Variants in PAX7 observed in about 807,000 individuals in gnomAD.
PAX7 encodes paired box 7, also known as paired box protein Pax-7.
Under a neutral mutation model 50.7 loss-of-function variants are expected in PAX7, and 18 were observed. The ratio of observed to expected loss-of-function variants is 0.36; its 90% CI spans 0.25 to 0.53. The LOEUF is 0.53. Among genes scored for constraint, PAX7 ranks in the 20% least tolerant of loss-of-function variants. The probability of loss-of-function intolerance (pLI) is 0.93; values close to 1 mark genes in which losing one functional copy is unlikely to be tolerated. For missense variants in PAX7, 644 were observed against 702.9 expected (o/e 0.92, Z 0.95); for synonymous variants, 310 against 290.4 (o/e 1.07, Z -0.69).
At chr1:18,637,432 A>G (rs2088180236) in intron 4 of PAX7, among the ~76,000 whole-genome samples, 1 of 152,190 alleles carries the variant, frequency 6.6e-6, no homozygotes, top group Non-Finnish European at 1.5e-5. Flanking sequence ...CGGCAGGCTG[A>G]GGGAATCGGA....
chr1:18,673,256 A>G (rs2088778201), intron 4 of PAX7, among the ~76,000 whole-genome samples: 1 of 152,210 alleles, frequency 6.6e-6, no homozygotes, highest in Non-Finnish European at 1.5e-5. Context: ...ACAATTACGC[A>G]TGCAAAGCTT....
Position 18,726,698 on chromosome 1 carries a change from C to T in PAX7, c.1156-8934C>T, listed in dbSNP as rs775181666. On this transcript the variant is annotated intron_variant, in intron 7 of 8. Transcript: ENST00000420770. The surrounding 1 kb of genome is among the most constrained non-coding windows in gnomAD (Gnocchi z 4.8). Reference sequence around the variant, plus strand: ...TTGGCTGCACCTCCCAGGGTCTCTCCCTCACACACCAGAAGGTTCTTACCA... The same window carrying T: ...TTGGCTGCACCTCCCAGGGTCTCTCTCTCACACACCAGAAGGTTCTTACCA... 1.1e-4 allele frequency among the ~76,000 whole-genome samples: 16 copies of T among 152,224 alleles called. No individual in the cohort carries two copies. Among genetic ancestry groups the T allele is most frequent in the Non-Finnish European group, 1.8e-4 (12 of 68,042 alleles).
chr1:18,670,336 C>T, intron 4 of PAX7, among the ~76,000 whole-genome samples: 1 of 152,066 alleles, frequency 6.6e-6, no homozygotes, highest in Admixed American at 6.6e-5. Flanking sequence ...TGTTTCCAAC[C>T]CCCATCATGA....
At chr1:18,656,549 ATTTGGATTTGGAAAGATTCAAG>A (rs1156869128) in intron 4 of PAX7, among the ~76,000 whole-genome samples, 2 of 152,062 alleles carry the variant, frequency 1.3e-5, no homozygotes, top group African/African-American at 4.8e-5. Flanking sequence ...GCACTTTGAA[ATTTGGATTTGGAAAGATTCAAG>A]TTTGGATTTG....
intron 4 of PAX7, among the ~76,000 whole-genome samples, chr1:18,661,652 C>G (rs2088601183): frequency 6.6e-6 from 1 of 152,360 alleles, no homozygotes; most frequent in South Asian, 2.1e-4. Context: ...ACGTGTGGTG[C>G]CTGGCACACA....
chr1:18,719,406 C>T (rs1437522664), intron 7 of PAX7, among the ~76,000 whole-genome samples: 2 of 152,210 alleles, frequency 1.3e-5, no homozygotes, highest in Non-Finnish European at 2.9e-5. Flanking sequence ...AGGGCTGGGG[C>T]TTTGGGGAAT....
chr1:18,747,411 C>G lies in PAX7; in HGVS notation c.*2482C>G, dbSNP rs1015735003. 2.5e-4 allele frequency: 57 copies of G among 227,222 alleles called. No individual in the cohort carries two copies. The highest frequency in any genetic ancestry group is 1.2e-3 in the African/African-American group (53 of 45,084). 14.1% of individuals were successfully genotyped at this position (227,222 alleles called of 1,614,324 possible). A position where few individuals can be genotyped will look rare whatever the true frequency, so the allele number is the denominator to read the frequency against. The stretch of plus-strand genomic sequence containing the variant: ...GACTTATTCCTTGACAGGCCCCACC[C>G]CCTTCAGAAAGAGGCCCTTGACCCT... On this transcript the variant is annotated 3_prime_UTR_variant, in exon 9 of 9. Coordinates refer to ENST00000420770, the MANE Select transcript of PAX7 (RefSeq NM_001135254.2).
At position 18,744,936 on chromosome 1, in the gene PAX7, TG is replaced by T. The variant is rs1931369916; in HGVS notation, c.*11del. 1 of 1,486,726 alleles carries T rather than the reference TG, an allele frequency of 6.7e-7. No individual in the cohort carries two copies. The highest frequency in any genetic ancestry group is 1.4e-5 in the African/African-American group (1 of 71,908). The allele number at this position is 1,486,726 out of a possible 1,614,324, so 92.1% of individuals were successfully genotyped here. A position where few individuals can be genotyped will look rare whatever the true frequency, so the allele number is the denominator to read the frequency against. The stretch of plus-strand genomic sequence containing the variant: ...AACTGGCCAGGCCTACTAGGGCCCC[TG>T]GGGCGACTTGCCCCAGCCCAATTCC... On this transcript the variant is annotated 3_prime_UTR_variant, in exon 9 of 9. Transcript: ENST00000420770.
chr1:18,692,064 G>A (rs9439678), intron 5 of PAX7, 111 bp downstream of exon 5: 44,751 of 934,434 alleles, frequency 0.048, 1,365 homozygotes, highest in African/African-American at 0.12. Flanking sequence ...TTTACAACAG[G>A]TTCAGGGGGT....
In PAX7 at chr1:18,634,397, G is replaced by A. The variant is rs540052891; in HGVS notation, c.180G>A (p.Val60=). The A allele has an allele frequency of 1.2e-6, 2 of 1,614,194 alleles. No individual in the cohort carries two copies. Among genetic ancestry groups the A allele is most frequent in the South Asian group, 1.1e-5 (1 of 91,084 alleles). ...PLPNHIRHKI[V]EMAHHGIRPC... ...CTAACCACATCCGCCACAAGATAGT[G>A]GAGATGGCCCACCATGGCATCCGGC... Residue 60 remains valine (V), a synonymous_variant, in exon 2 of 9, where the codon GTG becomes GTA. Transcript: ENST00000420770. The surrounding 1 kb of genome is among the most constrained non-coding windows in gnomAD (Gnocchi z 4.0).
chr1:18,746,410 T>C lies in PAX7; in HGVS notation c.*1481T>C, dbSNP rs897520390. ...TCCATGCTTTTAAGAGCTGGGACCT[T>C]GGGAGGATGATTCAAACCCTCAATT... On this transcript the variant is annotated 3_prime_UTR_variant, in exon 9 of 9. Coordinates refer to ENST00000420770, the MANE Select transcript of PAX7 (RefSeq NM_001135254.2). The C allele has an allele frequency of 4.3e-6, 1 of 230,924 alleles. No homozygotes were observed. The highest frequency in any genetic ancestry group is 2.2e-5 in the African/African-American group (1 of 45,216). 14.3% of individuals were successfully genotyped at this position (230,924 alleles called of 1,614,324 possible).
chr1:18,744,716 G>A (rs935721729), intron 8 of PAX7, 98 bp from the exon 9 acceptor site: 12 of 694,736 alleles, frequency 1.7e-5, no homozygotes, highest in African/African-American at 1.6e-4. Context: ...ATGGATGGAT[G>A]GATGGATGGA....
At position 18,676,819 on chromosome 1, in the gene PAX7, C is replaced by T. The variant is rs2088829650; in HGVS notation, c.587-14935C>T. On this transcript the variant is annotated intron_variant, in intron 4 of 8. Transcript: ENST00000420770. The stretch of plus-strand genomic sequence containing the variant: ...AGCCAGCCCCGCTGTATGCCTGGCA[C>T]TGTCCTGAACCCTGAAGGTGGAGTT... Among the ~76,000 whole-genome samples the T allele has an allele frequency of 1.3e-5, 2 of 152,220 alleles. 1 individual carries two copies. Among genetic ancestry groups the T allele is most frequent in the South Asian group, 4.1e-4 (2 of 4,832 alleles).
chr1:18,680,349 C>T (rs545956962), intron 4 of PAX7, among the ~76,000 whole-genome samples: 108 of 152,292 alleles, frequency 7.1e-4, no homozygotes, highest in African/African-American at 2.4e-3. Flanking sequence ...GCCAACTCCC[C>T]ACCTGCCAGG....
chr1:18,665,818 C>T (rs2088660806), intron 4 of PAX7, among the ~76,000 whole-genome samples: 1 of 151,974 alleles, frequency 6.6e-6, no homozygotes, highest in African/African-American at 2.4e-5. Flanking sequence ...TACAGGCGTG[C>T]ACCACCATGC....
intron 8 of PAX7, among the ~76,000 whole-genome samples, chr1:18,740,196 C>G (rs1931050208): frequency 6.6e-6 from 1 of 152,202 alleles, no homozygotes; most frequent in Admixed American, 6.5e-5. Context: ...CCTGCCCTCG[C>G]CGGCCCCTCG....
At chr1:18,660,531 C>G (rs892329915) in intron 4 of PAX7, among the ~76,000 whole-genome samples, 2 of 152,112 alleles carry the variant, frequency 1.3e-5, no homozygotes, top group Non-Finnish European at 2.9e-5. Context: ...AAATCTGCCT[C>G]CCTTCCACGC....
chr1:18,670,262 G>A (rs1481907671), intron 4 of PAX7, among the ~76,000 whole-genome samples: 1 of 152,144 alleles, frequency 6.6e-6, no homozygotes, highest in African/African-American at 2.4e-5. Context: ...CTGTAGCTTG[G>A]TGTCCAGCAA....
intron 1 of PAX7, among the ~76,000 whole-genome samples, chr1:18,633,518 A>G (rs948975883): frequency 6.6e-6 from 1 of 152,150 alleles, no homozygotes; most frequent in African/African-American, 2.4e-5. Context: ...GGCACAGTTC[A>G]TGGATTTGTG....
Sources: gnomAD v4.1 joint callset for allele counts (sites outside exome capture counted in the v4.1 genomes callset) on GRCh38, gnomAD v4.1.1 for gene constraint, Gnocchi (gnomAD v3.1) non-coding constraint, MANE v1.5 for transcripts, NCBI Gene and HGNC (gene_info 2026-07-23, HGNC 2026-07-21) for gene names.